Variants in TYW3 observed in about 807,000 individuals in gnomAD.
TYW3 encodes tRNA wybutosine-synthesizing protein 3 homolog.
TYW3 carries 26 observed loss-of-function variants against 23.1 expected under a neutral mutation model. The ratio of observed to expected loss-of-function variants is 1.13; its 90% CI spans 0.83 to 1.56. The LOEUF (loss-of-function observed/expected upper bound fraction) is 1.56. Ranked by LOEUF, TYW3 falls within the 40% of genes most tolerant of loss-of-function variation. TYW3 has a pLI of 0.00. For synonymous variants in TYW3, 102 were observed against 105.7 expected, an observed-to-expected ratio of 0.97 and a Z score of 0.21; for missense variants, 316 against 311.9, an observed-to-expected ratio of 1.01 and a Z score of -0.10.
chr1:74,754,202 A>G (rs1420934326), intron 5 of TYW3, among the ~76,000 whole-genome samples: 1 of 152,166 alleles, frequency 6.6e-6, no homozygotes, highest in East Asian at 1.9e-4. Context: ...GAATTTTAAC[A>G]AGCTTATAAA....
At chr1:74,735,386 A>C (rs1648117212) in intron 1 of TYW3, among the ~76,000 whole-genome samples, 4 of 152,160 alleles carry the variant, frequency 2.6e-5, no homozygotes, top group African/African-American at 9.6e-5. Context: ...ATGATTCCCA[A>C]AACTCCCCTC....
chr1:74,755,800 T>C (rs568019096), intron 5 of TYW3, among the ~76,000 whole-genome samples: 9 of 152,212 alleles, frequency 5.9e-5, no homozygotes, highest in East Asian at 1.9e-4. Flanking sequence ...AATAGCATGA[T>C]AGATAAAAAA....
At position 74,766,627 on chromosome 1, in the gene TYW3, C is replaced by A. The variant is rs1649316353; in HGVS notation, c.*2514C>A. Reference sequence around the variant, plus strand: ...AATTAAAGTTTATAAACCAAATGTTCATTGTGAGCCAAGGTTAATTTATTG... The same window carrying A: ...AATTAAAGTTTATAAACCAAATGTTAATTGTGAGCCAAGGTTAATTTATTG... On this transcript the variant is annotated 3_prime_UTR_variant, in exon 6 of 6. Coordinates refer to ENST00000370867, the MANE Select transcript of TYW3 (RefSeq NM_138467.3). 6.6e-6 allele frequency: 1 copy of A among 152,148 alleles called. No individual in the cohort carries two copies. The highest frequency in any genetic ancestry group is 2.1e-4 in the South Asian group (1 of 4,832). The allele number at this position is 152,148 out of a possible 1,614,324, so 9.4% of individuals were successfully genotyped here.
At chr1:74,760,054 A>C (rs1294563454) in intron 5 of TYW3, among the ~76,000 whole-genome samples, 1 of 152,234 alleles carries the variant, frequency 6.6e-6, no homozygotes, top group Non-Finnish European at 1.5e-5. Flanking sequence ...TGTTATATAT[A>C]TTGTGTACTG....
intron 3 of TYW3, among the ~76,000 whole-genome samples, chr1:74,747,499 T>A: frequency 6.7e-6 from 1 of 149,900 alleles, no homozygotes; most frequent in Non-Finnish European, 1.5e-5. Flanking sequence ...TAGCTGGGCG[T>A]AGTGGCGGGC....
Position 74,757,992 on chromosome 1 carries a change from A to G in TYW3, c.560+5567A>G, listed in dbSNP as rs566120468. 3.3e-5 allele frequency among the ~76,000 whole-genome samples: 5 copies of G among 152,326 alleles called. No individual in the cohort carries two copies. In the East Asian group the frequency reaches 9.6e-4, roughly 29 times the overall value. On this transcript the variant is annotated intron_variant, in intron 5 of 5. Transcript: ENST00000370867. Reference sequence around the variant, plus strand: ...TTTTGTAAATTGCCCAGTCTCAGGTATGTCTTTATCAGCAGCACGAAAATG... The same window carrying G: ...TTTTGTAAATTGCCCAGTCTCAGGTGTGTCTTTATCAGCAGCACGAAAATG...
intron 3 of TYW3, among the ~76,000 whole-genome samples, chr1:74,746,637 A>G (rs1648575848): frequency 6.6e-6 from 1 of 152,242 alleles, no homozygotes; most frequent in Non-Finnish European, 1.5e-5. Flanking sequence ...TCTAGGGGAC[A>G]GAGGCAGACA....
rs60292279 is a variant in TYW3 at position 74,733,931 on chromosome 1, T to G, written c.174+513T>G. ...TCCATTATTACAACTCTAGTAGTTTTACGCAGAGAAAAGTACGATCGTATA... is the reference window on the plus strand; with the variant it reads ...TCCATTATTACAACTCTAGTAGTTTGACGCAGAGAAAAGTACGATCGTATA... On this transcript the variant is annotated intron_variant, in intron 1 of 5. Transcript: ENST00000370867. Among the ~76,000 whole-genome samples, 6 of 152,108 alleles carry G rather than the reference T, an allele frequency of 3.9e-5. No individual in the cohort carries two copies. In the East Asian group the frequency reaches 1.2e-3, roughly 29 times the overall value.
intron 1 of TYW3, among the ~76,000 whole-genome samples, chr1:74,733,851 C>T (rs1392861248): frequency 6.6e-6 from 1 of 152,178 alleles, no homozygotes; most frequent in Non-Finnish European, 1.5e-5. Flanking sequence ...ATCATTGTTA[C>T]TGCATGCTTG....
At chr1:74,762,343 A>T (rs1649163129) in intron 5 of TYW3, among the ~76,000 whole-genome samples, 1 of 152,190 alleles carries the variant, frequency 6.6e-6, no homozygotes, top group African/African-American at 2.4e-5. Context: ...TATTCTGTAG[A>T]TATCAAAAAT....
chr1:74,750,639 AT>A (rs1648748770), intron 4 of TYW3, among the ~76,000 whole-genome samples: 1 of 152,072 alleles, frequency 6.6e-6, no homozygotes, highest in South Asian at 2.1e-4. Flanking sequence ...ACTATTTTGC[AT>A]CTACCTGTTT....
chr1:74,760,949 G>A (rs1011351119), intron 5 of TYW3, among the ~76,000 whole-genome samples: 6 of 152,202 alleles, frequency 3.9e-5, no homozygotes, highest in Non-Finnish European at 5.9e-5. Context: ...AACTTATGAA[G>A]AGAACTAAGT....
chr1:74,762,320 C>T (rs1649162506), intron 5 of TYW3, among the ~76,000 whole-genome samples: 1 of 151,964 alleles, frequency 6.6e-6, no homozygotes, highest in African/African-American at 2.4e-5. Flanking sequence ...GAAAATTGGT[C>T]CAAATAGAGA....
intron 1 of TYW3, chr1:74,736,333 C>G (rs72970039): frequency 0.015 from 5,630 of 370,976 alleles, 289 homozygotes; most frequent in African/African-American, 0.11. Flanking sequence ...GTAGTTTTAC[C>G]TTTCACATAA....
At chr1:74,738,416 A>G (rs1437897835) in intron 2 of TYW3, among the ~76,000 whole-genome samples, 2 of 152,210 alleles carry the variant, frequency 1.3e-5, no homozygotes, top group Admixed American at 1.3e-4. Flanking sequence ...TCCGTTATGG[A>G]ATTAAATAAA....
chr1:74,748,874 T>G (rs778193325), intron 4 of TYW3, 52 bp downstream of exon 4: 2 of 1,489,888 alleles, frequency 1.3e-6, no homozygotes, highest in Non-Finnish European at 1.9e-6. Flanking sequence ...GATCCAGAAA[T>G]TGAATAACCT....
rs1424642537 is a variant in TYW3, at chr1:74,765,664, G to A, written c.*1551G>A. The A allele has an allele frequency of 1.3e-5, 2 of 152,064 alleles. No individual in the cohort carries two copies. Among genetic ancestry groups the A allele is most frequent in the Non-Finnish European group, 2.9e-5 (2 of 68,006 alleles). 9.4% of individuals were successfully genotyped at this position (152,064 alleles called of 1,614,324 possible). A position where few individuals can be genotyped will look rare whatever the true frequency, so the allele number is the denominator to read the frequency against. Reference sequence around the variant, plus strand: ...AAAAAAAAAGTTATAAATAACAGTAGGAAAGAGAGAGTGCAGGTGGAACGA... The same window carrying A: ...AAAAAAAAAGTTATAAATAACAGTAAGAAAGAGAGAGTGCAGGTGGAACGA... On this transcript the variant is annotated 3_prime_UTR_variant, in exon 6 of 6. Coordinates refer to ENST00000370867, the MANE Select transcript of TYW3 (RefSeq NM_138467.3).
At chr1:74,761,902 G>A (rs1649146536) in intron 5 of TYW3, 1 of 152,068 alleles carries the variant, frequency 6.6e-6, no homozygotes, top group African/African-American at 2.4e-5. Context: ...TCTCCGCTTG[G>A]GAGGAATGAT....
intron 5 of TYW3, among the ~76,000 whole-genome samples, chr1:74,759,539 G>T (rs906724819): frequency 6.6e-6 from 1 of 151,888 alleles, no homozygotes; most frequent in Non-Finnish European, 1.5e-5. Flanking sequence ...CTAAAAATGG[G>T]TCTAAAACAG....
Sources: allele counts gnomAD v4.1 joint callset (sites outside exome capture counted in the v4.1 genomes callset), GRCh38; gene constraint gnomAD v4.1.1; transcripts MANE v1.5; gene names NCBI Gene and HGNC (gene_info 2026-07-23, HGNC 2026-07-21).